The following CHI3L1 variants were observed in gnomAD, a reference collection of about 807,000 sequenced individuals.
The protein encoded by CHI3L1 is chitinase-3-like protein 1.
CHI3L1 carries 30 observed loss-of-function variants against 40.7 expected under a neutral mutation model. That is an observed-to-expected ratio of 0.74 (90% CI 0.55 to 1.00). The LOEUF is 1.00. Ranked by LOEUF, CHI3L1 falls within the 50% of genes least tolerant of loss-of-function variation. The probability of loss-of-function intolerance (pLI) is 0.00; values close to 1 mark genes in which losing one functional copy is unlikely to be tolerated. For synonymous variants in CHI3L1, 210 were observed against 192.1 expected (o/e 1.09, Z -0.77); for missense variants, 493 against 492.2 (o/e 1.00, Z -0.01).
At position 203,185,360 on chromosome 1, in the gene CHI3L1, G is replaced by T; in HGVS notation, c.81C>A (p.Tyr27Ter). ...CCCGGTACTGGGACCAGCTGGTGTA[G>T]TAGCAGACCAGTTTGTATGCAGAGC... The part of the protein sequence containing the change: ...QCCSAYKLVC[Y>*]YTSWSQYREG... The change falls in exon 3 of 10, where the codon TAC (tyrosine) becomes TAA (stop). Residue 27 changes from tyrosine (Y) to a stop codon, truncating the protein, a stop_gained. Transcript: ENST00000255409. LOFTEE classifies it high-confidence loss of function. 6.2e-7 allele frequency: 1 copy of T among 1,614,162 alleles called. No homozygotes were observed. The highest frequency in any genetic ancestry group is 8.5e-7 in the Non-Finnish European group (1 of 1,180,044).
chr1:203,183,856 T>C, intron 4 of CHI3L1, 65 bp from the exon 5 acceptor site: 1 of 1,587,220 alleles, frequency 6.3e-7, no homozygotes, highest in South Asian at 1.1e-5. Flanking sequence ...GGGCCTCTGG[T>C]GGGGTTTCCA....
At chr1:203,182,916 G>A in intron 5 of CHI3L1, 64 bp from the exon 6 acceptor site, 1 of 1,560,350 alleles carries the variant, frequency 6.4e-7, no homozygotes, top group Non-Finnish European at 8.8e-7. Context: ...GACTCATCGA[G>A]GGCGGACTAG....
rs1655994725 is a variant in CHI3L1, at chr1:203,183,686, G to C, written c.420C>G (p.Leu140=). Residue 140 remains leucine (L), a synonymous_variant, in exon 5 of 10, where the codon CTC becomes CTG. Transcript: ENST00000255409. ...HGFDGLDLAW[L]YPGRRDKQHF... ...GCTGTTTGTCTCTCCGTCCAGGGTA[G>C]AGCCAGGCAAGGTCCAGCCCATCAA... 7 of 1,614,072 alleles carry C rather than the reference G, an allele frequency of 4.3e-6. No homozygotes were observed. In the South Asian group the frequency reaches 6.6e-5, roughly 15 times the overall value.
intron 5 of CHI3L1, 36 bp downstream of exon 5, chr1:203,183,605 G>A (rs1655991894): frequency 6.2e-7 from 1 of 1,610,430 alleles, no homozygotes. Flanking sequence ...CCTCATGCCT[G>A]CCCACCTCCC....
At chr1:203,184,754 G>A (rs1455356645) in intron 3 of CHI3L1, 122 bp from the exon 4 acceptor site, 9 of 762,586 alleles carry the variant, frequency 1.2e-5, no homozygotes, top group Admixed American at 6.0e-5. Context: ...GGGTTAGGCC[G>A]CTGATGTCCT....
rs1010959520 is a variant in CHI3L1, at chr1:203,182,920, G to A, written c.466-68C>T. The A allele has an allele frequency of 1.8e-5, 28 of 1,547,808 alleles. 1 individual carries two copies. The highest frequency in any genetic ancestry group is 6.9e-5 in the East Asian group (3 of 43,718). On this transcript the variant is annotated intron_variant, in intron 5 of 9. Coordinates refer to ENST00000255409, the MANE Select transcript of CHI3L1 (RefSeq NM_001276.4). ...CATGAGAGGTAGACTCATCGAGGGC[G>A]GACTAGGTCTCTGCGCAACCCATTT...
chr1:203,180,636 TA>T lies in CHI3L1; in HGVS notation c.727del (p.Tyr243ThrfsTer3), dbSNP rs774893197. On this transcript the variant is annotated frameshift_variant, in exon 8 of 10. Transcript: ENST00000255409. LOFTEE classifies it high-confidence loss of function. ...RFSNTDYAVG[Y>X]MLRLGAPASK... ...GGCAGGAGCCCCCAGCCTCAACATGTACCCCACAGCATAGTCCTGGGTGGGG... is the reference window on the plus strand; with the variant it reads ...GGCAGGAGCCCCCAGCCTCAACATGTCCCCACAGCATAGTCCTGGGTGGGG... 8.2e-7 allele frequency: 1 copy of T among 1,223,538 alleles called. No homozygotes were observed. The highest frequency in any genetic ancestry group is 1.1e-6 in the Non-Finnish European group (1 of 873,862). The allele number at this position is 1,223,538 out of a possible 1,614,324, so 75.8% of individuals were successfully genotyped here.
chr1:203,183,883 G>T, intron 4 of CHI3L1, 92 bp from the exon 5 acceptor site: 1 of 1,418,230 alleles, frequency 7.1e-7, no homozygotes, highest in Non-Finnish European at 9.9e-7. Context: ...GCAGAGCTGG[G>T]ATCCTGAGGC....
At chr1:203,179,954 C>G in intron 8 of CHI3L1, 77 bp from the exon 9 acceptor site, 1 of 1,362,912 alleles carries the variant, frequency 7.3e-7, no homozygotes, top group Non-Finnish European at 1.0e-6. Flanking sequence ...CGCCACTCTC[C>G]AAATCTCTTT....
chr1:203,185,947 A>G (rs1005370825), intron 2 of CHI3L1, among the ~76,000 whole-genome samples: 4 of 152,072 alleles, frequency 2.6e-5, no homozygotes, highest in African/African-American at 9.7e-5. Flanking sequence ...CAATATCACA[A>G]TGGACCAGGA....
In CHI3L1 at chr1:203,179,280, G is replaced by A. The variant is rs1655874858; in HGVS notation, c.*165C>T. 1.7e-6 allele frequency: 1 copy of A among 584,624 alleles called. No homozygotes were observed. The highest frequency in any genetic ancestry group is 2.7e-5 in the East Asian group (1 of 36,956). 36.2% of individuals were successfully genotyped at this position (584,624 alleles called of 1,614,324 possible). On this transcript the variant is annotated 3_prime_UTR_variant, in exon 10 of 10. Transcript: ENST00000255409. ...CCATCCCTACCTCTCTGCCCACCAG[G>A]GCTGAGCTCAAATCTGTGTGTTGTG...
At chr1:203,186,170 G>T in intron 2 of CHI3L1, 146 bp downstream of exon 2, 1 of 824,844 alleles carries the variant, frequency 1.2e-6, no homozygotes, top group Non-Finnish European at 2.0e-6. Context: ...CCTCACTCCA[G>T]TTTAGCAAAC....
At chr1:203,182,995 C>T in intron 5 of CHI3L1, 143 bp from the exon 6 acceptor site, 1 of 808,666 alleles carries the variant, frequency 1.2e-6, no homozygotes, top group South Asian at 1.8e-5. Flanking sequence ...TAAAGTGGCT[C>T]ATCAGTGGTC....
Position 203,179,212 on chromosome 1 carries a change from A to G in CHI3L1, c.*233T>C, listed in dbSNP as rs192635263. 163 of 424,342 alleles carry G rather than the reference A, an allele frequency of 3.8e-4. No homozygotes were observed. The highest frequency in any genetic ancestry group is 3.1e-3 in the African/African-American group (157 of 51,098). 26.3% of individuals were successfully genotyped at this position (424,342 alleles called of 1,614,324 possible). ...TTCCATTAATCAACAAGTGTGTACTAATCCCGAGTCTTACATTGCGATGCC... is the reference window on the plus strand; with the variant it reads ...TTCCATTAATCAACAAGTGTGTACTGATCCCGAGTCTTACATTGCGATGCC... On this transcript the variant is annotated 3_prime_UTR_variant, in exon 10 of 10. Coordinates refer to ENST00000255409, the MANE Select transcript of CHI3L1 (RefSeq NM_001276.4).
chr1:203,179,926 T>C, intron 8 of CHI3L1, 49 bp from the exon 9 acceptor site: 1 of 1,572,074 alleles, frequency 6.4e-7, no homozygotes, highest in Non-Finnish European at 8.7e-7. Flanking sequence ...TGCCGAGACC[T>C]TGCAGGTCAC....
intron 4 of CHI3L1, 141 bp from the exon 5 acceptor site, chr1:203,183,932 C>A (rs984819554): frequency 3.3e-6 from 3 of 914,876 alleles, no homozygotes; most frequent in Admixed American, 4.3e-5. Context: ...ACAGGGGTCG[C>A]CTCCAGGCAT....
intron 8 of CHI3L1, 189 bp downstream of exon 8, chr1:203,180,281 G>T: frequency 1.7e-6 from 1 of 598,978 alleles, no homozygotes; most frequent in Non-Finnish European, 2.9e-6. Flanking sequence ...AGGCCCATGT[G>T]CCTGTACCTG....
rs1010080583 is a variant in CHI3L1, at chr1:203,179,886, A to G, written c.895-9T>C. On this transcript the variant is annotated splice_polypyrimidine_tract_variant and intron_variant, in intron 8 of 9. Coordinates refer to ENST00000255409, the MANE Select transcript of CHI3L1 (RefSeq NM_001276.4). ...CGGAGGAAGTCACAGATCTGAGCAG[A>G]TAACAGGGAAAAGGCAGTGTGGGGA... The G allele has an allele frequency of 1.2e-6, 2 of 1,613,200 alleles. No homozygotes were observed. Among genetic ancestry groups the G allele is most frequent in the South Asian group, 2.2e-5 (2 of 91,078 alleles).
In CHI3L1 at chr1:203,179,494, A is replaced by C; in HGVS notation, c.1103T>G (p.Leu368Arg). 6.4e-7 allele frequency: 1 copy of C among 1,573,302 alleles called. No homozygotes were observed. Among genetic ancestry groups the C allele is most frequent in the Non-Finnish European group, 8.6e-7 (1 of 1,158,506 alleles). The change falls in exon 10 of 10, where the codon CTG (leucine) becomes CGG (arginine). Residue 368 changes from leucine (L) to arginine (R), a missense_variant. Leu to Arg is a moderately radical substitution (Grantham distance 102, BLOSUM62 -2). Transcript: ENST00000255409. The part of the protein sequence containing the change: ...DFQGSFCGQD[L>R]RFPLTNAIKD... ...GATGGCATTGGTGAGAGGGAAGCGC[A>C]GATCCTGGCCACAGAAGGAGCCCTG...
Sources: allele counts gnomAD v4.1 joint callset (sites outside exome capture counted in the v4.1 genomes callset), GRCh38; gene constraint gnomAD v4.1.1; transcripts MANE v1.5; gene names NCBI Gene and HGNC (gene_info 2026-07-23, HGNC 2026-07-21).